MAGI2: variants seen among roughly 807,000 people sequenced by gnomAD.
MAGI2 encodes membrane-associated guanylate kinase, WW and PDZ domain-containing protein 2.
Under a neutral mutation model 133.3 loss-of-function variants are expected in MAGI2, and 35 were observed. The observed-to-expected ratio is 0.26, with a 90% CI of 0.20 to 0.35. The LOEUF (loss-of-function observed/expected upper bound fraction) is 0.35. Ranked by LOEUF, MAGI2 falls within the 10% of genes least tolerant of loss-of-function variation. MAGI2 has a pLI of 1.00. For synonymous variants in MAGI2, 729 were observed against 710.6 expected, an observed-to-expected ratio of 1.03 and a Z score of -0.41; for missense variants, 1,636 against 1,863.4, an observed-to-expected ratio of 0.88 and a Z score of 2.25.
intron 1 of MAGI2, among the ~76,000 whole-genome samples, chr7:79,156,089 T>C (rs546504108): frequency 5.9e-5 from 9 of 152,082 alleles, no homozygotes; most frequent in Non-Finnish European, 1.2e-4. Flanking sequence ...TTTTTTTATC[T>C]TCCCCAAATT....
chr7:78,633,598 C>CCGGAG (rs1343928224), intron 2 of MAGI2, among the ~76,000 whole-genome samples: 1 of 151,398 alleles, frequency 6.6e-6, no homozygotes, highest in Non-Finnish European at 1.5e-5. Context: ...CCCAGCTACT[C>CCGGAG]CGGAGGCTGA....
chr7:78,604,495 T>C (rs1805586964), intron 3 of MAGI2, among the ~76,000 whole-genome samples: 1 of 152,208 alleles, frequency 6.6e-6, no homozygotes, highest in South Asian at 2.1e-4. Flanking sequence ...AATGTTCTAA[T>C]GTAATAAATG....
chr7:79,068,242 T>G, intron 1 of MAGI2, among the ~76,000 whole-genome samples: 1 of 152,214 alleles, frequency 6.6e-6, no homozygotes, highest in East Asian at 1.9e-4. Flanking sequence ...CCTGGACTTC[T>G]TTTTGTTGGT....
intron 1 of MAGI2, among the ~76,000 whole-genome samples, chr7:79,434,142 GTCTCCCAATAAAGAAAA>G (rs1660946577): frequency 6.6e-6 from 1 of 151,020 alleles, no homozygotes; most frequent in South Asian, 2.1e-4. Flanking sequence ...GCCAATTGAA[GTCTCCCAATAAAGAAAA>G]TCTCTTATTT....
intron 7 of MAGI2, among the ~76,000 whole-genome samples, chr7:78,346,268 T>C (rs1314553780): frequency 6.6e-6 from 1 of 152,224 alleles, no homozygotes; most frequent in Non-Finnish European, 1.5e-5. Context: ...GTTATTCTAT[T>C]TACATTATGC....
chr7:79,209,239 C>G (rs184463941), intron 1 of MAGI2, among the ~76,000 whole-genome samples: 1 of 151,844 alleles, frequency 6.6e-6, no homozygotes, highest in Non-Finnish European at 1.5e-5. Flanking sequence ...ATTTAGTCAT[C>G]CCATAATGTG....
intron 2 of MAGI2, among the ~76,000 whole-genome samples, chr7:78,753,463 A>T (rs1823644809): frequency 6.6e-6 from 1 of 152,176 alleles, no homozygotes; most frequent in South Asian, 2.1e-4. Flanking sequence ...GTGACCTGTG[A>T]GACAATATTA....
At chr7:78,837,305 A>T (rs1321961677) in intron 2 of MAGI2, among the ~76,000 whole-genome samples, 1 of 152,168 alleles carries the variant, frequency 6.6e-6, no homozygotes, top group Non-Finnish European at 1.5e-5. Flanking sequence ...CTTTAAGCCT[A>T]TCCTACTCTA....
chr7:78,963,335 T>G (rs923754147), intron 2 of MAGI2, among the ~76,000 whole-genome samples: 1 of 152,138 alleles, frequency 6.6e-6, no homozygotes, highest in African/African-American at 2.4e-5. Context: ...TCTGGCAAGC[T>G]TTTATTATGA....
chr7:78,536,696 GCTC>G (rs1797964147), intron 3 of MAGI2, among the ~76,000 whole-genome samples: 1 of 150,914 alleles, frequency 6.6e-6, no homozygotes, highest in Non-Finnish European at 1.5e-5. Context: ...ATCTAAATTT[GCTC>G]CTAATACTCA....
chr7:78,764,024 A>G (rs113676369), intron 2 of MAGI2, among the ~76,000 whole-genome samples: 56 of 152,300 alleles, frequency 3.7e-4, no homozygotes, highest in African/African-American at 1.3e-3. Context: ...ATACTTTAAA[A>G]TGATTCTTAC....
chr7:78,067,290 G>A (rs755339018), intron 21 of MAGI2, among the ~76,000 whole-genome samples: 5 of 152,158 alleles, frequency 3.3e-5, no homozygotes, highest in African/African-American at 4.8e-5. Context: ...GAAGATACAC[G>A]TGCCAGGAGA....
intron 1 of MAGI2, among the ~76,000 whole-genome samples, chr7:79,037,258 T>C (rs964345732): frequency 6.6e-6 from 1 of 152,210 alleles, no homozygotes; most frequent in Non-Finnish European, 1.5e-5. Flanking sequence ...TGACAGTCAT[T>C]GTGTAAAACC....
At chr7:78,775,320 T>TAAAAAAAAAAAAAAAAA (rs3086258) in intron 2 of MAGI2, among the ~76,000 whole-genome samples, 15 of 57,378 alleles carry the variant, frequency 2.6e-4, no homozygotes, top group Admixed American at 5.4e-4. Context: ...CGTCTCAAAT[T>TAAAAAAAAAAAAAAAAA]AAAAAAAAAA....
At chr7:78,491,281 C>A (rs1043510033) in intron 5 of MAGI2, among the ~76,000 whole-genome samples, 2 of 151,962 alleles carry the variant, frequency 1.3e-5, no homozygotes, top group East Asian at 3.9e-4. Flanking sequence ...AAAGCTATTC[C>A]GAGGTGTTAA....
chr7:78,572,945 C>A (rs1025843883), intron 3 of MAGI2, among the ~76,000 whole-genome samples: 1 of 146,742 alleles, frequency 6.8e-6, no homozygotes, highest in African/African-American at 2.5e-5. Context: ...AGCCACCATG[C>A]CTGGCCAATT....
chr7:78,923,883 G>T (rs1799465410), intron 2 of MAGI2, among the ~76,000 whole-genome samples: 1 of 152,120 alleles, frequency 6.6e-6, no homozygotes. Flanking sequence ...GCAGTGGTTT[G>T]TACTTCTCCT....
chr7:78,420,891 G>A (rs1015828641), intron 6 of MAGI2, among the ~76,000 whole-genome samples: 5 of 152,104 alleles, frequency 3.3e-5, no homozygotes, highest in African/African-American at 1.2e-4. Flanking sequence ...ATGACTTTGA[G>A]GAATAAAAAG....
chr7:78,177,707 C>T (rs1335458061), intron 14 of MAGI2, among the ~76,000 whole-genome samples: 1 of 152,034 alleles, frequency 6.6e-6, no homozygotes. Flanking sequence ...AACTGTTACC[C>T]AAAGATACCA....
Sources: gnomAD v4.1 joint callset for allele counts (sites outside exome capture counted in the v4.1 genomes callset) on GRCh38, gnomAD v4.1.1 for gene constraint, MANE v1.5 for transcripts, NCBI Gene and HGNC (gene_info 2026-07-23, HGNC 2026-07-21) for gene names.